Variants in GALNTL6 observed in about 807,000 individuals in gnomAD.
GALNTL6 encodes the protein polypeptide N-acetylgalactosaminyltransferase-like 6.
In GALNTL6, 46 loss-of-function variants were observed where a neutral mutation model predicts 73.7. The observed-to-expected ratio is 0.62, with a 90% CI of 0.49 to 0.80. The LOEUF is 0.80. Among genes scored for constraint, GALNTL6 ranks in the 30% least tolerant of loss-of-function variants. GALNTL6 has a pLI of 0.00. For synonymous variants in GALNTL6, 259 were observed against 263.7 expected, an observed-to-expected ratio of 0.98 and a Z score of 0.17; for missense variants, 604 against 755.0, an observed-to-expected ratio of 0.80 and a Z score of 2.34.
intron 5 of GALNTL6, among the ~76,000 whole-genome samples, chr4:172,457,113 G>A (rs1169240899): frequency 2.0e-5 from 3 of 151,880 alleles, no homozygotes; most frequent in Admixed American, 6.6e-5. Context: ...AGCTTCATAA[G>A]CAAAGGAGAA....
intron 2 of GALNTL6, among the ~76,000 whole-genome samples, chr4:171,836,718 C>G (rs984679169): frequency 6.6e-6 from 1 of 152,082 alleles, no homozygotes; most frequent in Admixed American, 6.6e-5. Flanking sequence ...TCGTGATTGT[C>G]ACTGACTACC....
intron 2 of GALNTL6, among the ~76,000 whole-genome samples, chr4:171,909,187 A>C (rs1737400142): frequency 1.2e-4 from 18 of 151,584 alleles, no homozygotes; most frequent in Admixed American, 1.2e-3. Flanking sequence ...AAAAAAAAAA[A>C]AGAAAATGAG....
intron 5 of GALNTL6, among the ~76,000 whole-genome samples, chr4:172,731,473 A>T (rs1333337852): frequency 6.6e-6 from 1 of 150,870 alleles, no homozygotes; most frequent in Non-Finnish European, 1.5e-5. Flanking sequence ...AGGTTTGTTG[A>T]TTTTCTTTAT....
chr4:172,185,037 T>G (rs1735375129), intron 2 of GALNTL6, among the ~76,000 whole-genome samples: 1 of 152,182 alleles, frequency 6.6e-6, no homozygotes, highest in Non-Finnish European at 1.5e-5. Flanking sequence ...AGCAGGTGAG[T>G]TCCATGTTTT....
intron 3 of GALNTL6, among the ~76,000 whole-genome samples, chr4:172,288,167 T>C (rs998688804): frequency 1.1e-4 from 16 of 151,630 alleles, no homozygotes; most frequent in Non-Finnish European, 1.9e-4. Flanking sequence ...CTCAGCTCAC[T>C]GCAAGCTCTG....
intron 2 of GALNTL6, among the ~76,000 whole-genome samples, chr4:172,000,107 T>C (rs1426166701): frequency 6.6e-6 from 1 of 152,130 alleles, no homozygotes; most frequent in Non-Finnish European, 1.5e-5. Context: ...GAAGAAAACA[T>C]GAAACAATAT....
chr4:172,501,753 A>T, intron 5 of GALNTL6, among the ~76,000 whole-genome samples: 1 of 152,146 alleles, frequency 6.6e-6, no homozygotes, highest in East Asian at 1.9e-4. Flanking sequence ...AATAAGATAG[A>T]GTTGCCTTAT....
intron 5 of GALNTL6, among the ~76,000 whole-genome samples, chr4:172,644,838 C>T (rs1397132566): frequency 6.6e-6 from 1 of 151,884 alleles, no homozygotes; most frequent in Non-Finnish European, 1.5e-5. Flanking sequence ...TTTACACTAC[C>T]AGCAGCAATG....
chr4:171,831,737 A>G (rs1734977364), intron 2 of GALNTL6, among the ~76,000 whole-genome samples: 1 of 151,804 alleles, frequency 6.6e-6, no homozygotes, highest in Non-Finnish European at 1.5e-5. Context: ...TAATAAAAAT[A>G]TCATTTACAG....
intron 5 of GALNTL6, among the ~76,000 whole-genome samples, chr4:172,378,196 T>C (rs1459773189): frequency 6.6e-6 from 1 of 152,214 alleles, no homozygotes; most frequent in African/African-American, 2.4e-5. Context: ...ATTGAAGTTA[T>C]AGTTCTTAAA....
intron 2 of GALNTL6, among the ~76,000 whole-genome samples, chr4:172,129,999 TAC>T (rs1733441806): frequency 6.6e-6 from 1 of 152,112 alleles, no homozygotes; most frequent in South Asian, 2.1e-4. Context: ...GCAATGGGAA[TAC>T]ACACGGCAAA....
chr4:172,342,609 A>G (rs1014633435), intron 4 of GALNTL6, among the ~76,000 whole-genome samples: 1 of 152,202 alleles, frequency 6.6e-6, no homozygotes, highest in African/African-American at 2.4e-5. Flanking sequence ...CTCTGTTGTC[A>G]TGCTTCTATG....
At chr4:172,024,470 A>C (rs1260581267) in intron 2 of GALNTL6, among the ~76,000 whole-genome samples, 1 of 151,864 alleles carries the variant, frequency 6.6e-6, no homozygotes, top group East Asian at 1.9e-4. Context: ...TAGAAGGAAG[A>C]CTATATGATG....
intron 5 of GALNTL6, among the ~76,000 whole-genome samples, chr4:172,617,958 T>C (rs961450967): frequency 6.6e-6 from 1 of 152,182 alleles, no homozygotes; most frequent in Admixed American, 6.5e-5. Flanking sequence ...GATAAATTAT[T>C]AATTCCTCCA....
intron 5 of GALNTL6, among the ~76,000 whole-genome samples, chr4:172,492,311 GA>G (rs1433454947): frequency 6.6e-6 from 1 of 151,898 alleles, no homozygotes; most frequent in Non-Finnish European, 1.5e-5. Flanking sequence ...TTTTTTGAAG[GA>G]AAAAAATTGA....
In GALNTL6 at chr4:172,782,962, A is replaced by C. The variant is rs185487380; in HGVS notation, c.554-26399A>C. 3.2e-3 allele frequency among the ~76,000 whole-genome samples: 482 copies of C among 152,198 alleles called. 2 individuals are homozygous for C. Among genetic ancestry groups the C allele is most frequent in the African/African-American group, 0.011 (470 of 41,542 alleles). ...AAAAATGTCACATGTATTTCCCAGG[A>C]CAAAGCCCAAAATGCACAGTAATTG... On this transcript the variant is annotated intron_variant, in intron 5 of 12. Coordinates refer to ENST00000506823, the MANE Select transcript of GALNTL6 (RefSeq NM_001034845.3).
At chr4:171,896,736 G>C (rs1006898411) in intron 2 of GALNTL6, among the ~76,000 whole-genome samples, 1 of 152,118 alleles carries the variant, frequency 6.6e-6, no homozygotes, top group Non-Finnish European at 1.5e-5. Flanking sequence ...ACCATGACCT[G>C]GGGATTAAGA....
intron 2 of GALNTL6, among the ~76,000 whole-genome samples, chr4:172,140,566 G>A (rs1374053930): frequency 6.6e-6 from 1 of 152,026 alleles, no homozygotes; most frequent in East Asian, 1.9e-4. Context: ...ACATTGAACT[G>A]AAGAGATGAA....
intron 5 of GALNTL6, among the ~76,000 whole-genome samples, chr4:172,684,007 G>C (rs1732778075): frequency 6.6e-6 from 1 of 152,144 alleles, no homozygotes; most frequent in Non-Finnish European, 1.5e-5. Flanking sequence ...CCCAGCTCCA[G>C]CTTTGCGAAT....
Sources: gnomAD v4.1 joint callset for allele counts (sites outside exome capture counted in the v4.1 genomes callset) on GRCh38, gnomAD v4.1.1 for gene constraint, MANE v1.5 for transcripts, NCBI Gene and HGNC (gene_info 2026-07-23, HGNC 2026-07-21) for gene names.